The following TMEM131L variants were observed in gnomAD, a reference collection of about 807,000 sequenced individuals.
TMEM131L encodes the protein transmembrane protein 131-like.
Under a neutral mutation model 192.2 loss-of-function variants are expected in TMEM131L, and 54 were observed. That is an observed-to-expected ratio of 0.28 (90% CI 0.23 to 0.35). The LOEUF is 0.35. Among genes scored for constraint, TMEM131L ranks in the 10% least tolerant of loss-of-function variants. The pLI, the probability that TMEM131L is intolerant of heterozygous loss-of-function variation, is 1.00. For missense variants in TMEM131L, 1,888 were observed against 1,972.9 expected (o/e 0.96, Z 0.82); for synonymous variants, 701 against 704.9 (o/e 0.99, Z 0.09).
chr4:153,610,358 A>G (rs1732527170), intron 25 of TMEM131L, among the ~76,000 whole-genome samples: 1 of 152,212 alleles, frequency 6.6e-6, no homozygotes, highest in Admixed American at 6.5e-5. Flanking sequence ...TATTTCCATC[A>G]CAGCCAAAAG....
chr4:153,526,979 C>A (rs557617812), intron 3 of TMEM131L, among the ~76,000 whole-genome samples: 60 of 152,198 alleles, frequency 3.9e-4, no homozygotes, highest in African/African-American at 1.4e-3. Context: ...CTTTGTGTCC[C>A]TTTTGTCTGG....
Position 153,550,993 on chromosome 4 carries a change from T to C in TMEM131L, c.308+852T>C, listed in dbSNP as rs912277462. ...GGAACCTGGAAAAATTAAGGAAGGG[T>C]GACGCTGTGGAGATGAAAGCAACAT... On this transcript the variant is annotated intron_variant, in intron 4 of 34. Coordinates refer to ENST00000409959, the MANE Select transcript of TMEM131L (RefSeq NM_001131007.2). Among the ~76,000 whole-genome samples the C allele has an allele frequency of 1.2e-4, 18 of 152,286 alleles. 1 individual carries two copies. Among genetic ancestry groups the C allele is most frequent in the South Asian group, 1.0e-3 (5 of 4,830 alleles).
intron 7 of TMEM131L, among the ~76,000 whole-genome samples, chr4:153,560,019 A>C (rs748710294): frequency 1.3e-5 from 2 of 151,056 alleles, no homozygotes; most frequent in Admixed American, 1.3e-4. Flanking sequence ...TCCACCTCCA[A>C]TTTTCTCCAA....
At chr4:153,543,588 A>G (rs531416555) in intron 3 of TMEM131L, among the ~76,000 whole-genome samples, 1 of 152,274 alleles carries the variant, frequency 6.6e-6, no homozygotes, top group South Asian at 2.1e-4. Flanking sequence ...ATCGGTATAG[A>G]CACCCCCCAG....
At chr4:153,634,646 G>A (rs967251501) in intron 33 of TMEM131L, among the ~76,000 whole-genome samples, 3 of 152,182 alleles carry the variant, frequency 2.0e-5, no homozygotes, top group Admixed American at 6.5e-5. Context: ...CAAGTCCCAT[G>A]TGAAATAGAA....
In TMEM131L at chr4:153,583,365, T is replaced by A. The variant is rs1408311881; in HGVS notation, c.951+117T>A. ...AGCACTATCTTTATTCTTTTTTGCT[T>A]TAATTTAAGCCCATTTGCCCTTGCT... On this transcript the variant is annotated intron_variant, in intron 10 of 34. Transcript: ENST00000409959. The A allele has an allele frequency of 4.1e-6, 3 of 739,402 alleles. No individual in the cohort carries two copies. The African/African-American group carries it at 1.1e-4, about 28-fold the overall frequency. The allele number at this position is 739,402 out of a possible 1,614,324, so 45.8% of individuals were successfully genotyped here.
intron 26 of TMEM131L, among the ~76,000 whole-genome samples, chr4:153,618,627 G>T (rs1733166284): frequency 6.6e-6 from 1 of 152,162 alleles, no homozygotes; most frequent in African/African-American, 2.4e-5. Context: ...CTGAGGCAGA[G>T]AGGCTAAGTA....
At chr4:153,586,073 C>T in intron 13 of TMEM131L, 136 bp from the exon 14 acceptor site, 1 of 586,092 alleles carries the variant, frequency 1.7e-6, no homozygotes, top group Non-Finnish European at 2.7e-6. Flanking sequence ...AAAAATATTC[C>T]AACTTTTGAT....
At chr4:153,469,268 T>G (rs531170803) in intron 2 of TMEM131L, among the ~76,000 whole-genome samples, 2 of 147,484 alleles carry the variant, frequency 1.4e-5, no homozygotes, top group African/African-American at 5.2e-5. Context: ...GTATACCTTT[T>G]AGAAACTATC....
At chr4:153,584,144 A>C (rs1350686190) in intron 11 of TMEM131L, among the ~76,000 whole-genome samples, 2 of 152,194 alleles carry the variant, frequency 1.3e-5, no homozygotes, top group East Asian at 1.9e-4. Flanking sequence ...CAGATGTGAG[A>C]GAGTGTTCAG....
chr4:153,518,930 G>T (rs750562264), intron 3 of TMEM131L, among the ~76,000 whole-genome samples: 12 of 152,162 alleles, frequency 7.9e-5, no homozygotes, highest in Non-Finnish European at 1.5e-4. Context: ...AGTCGGTGGG[G>T]TGGTGAAGAC....
Position 153,566,557 on chromosome 4 carries a change from A to G in TMEM131L, c.660+8189A>G, listed in dbSNP as rs527261748. On this transcript the variant is annotated intron_variant, in intron 7 of 34. Coordinates refer to ENST00000409959, the MANE Select transcript of TMEM131L (RefSeq NM_001131007.2). ...TGTGTGTGTGTGTGTGTGTGTCTCA[A>G]CATAGTATCAAATTATTGAATTGTC... Among the ~76,000 whole-genome samples the G allele has an allele frequency of 2.7e-5, 4 of 149,072 alleles. No individual in the cohort carries two copies. In the East Asian group the frequency reaches 8.0e-4, roughly 30 times the overall value.
chr4:153,597,128 G>A (rs1328163141), intron 20 of TMEM131L, among the ~76,000 whole-genome samples: 1 of 151,936 alleles, frequency 6.6e-6, no homozygotes, highest in Admixed American at 6.6e-5. Flanking sequence ...TAATATATAA[G>A]TTTGTTCTTT....
At chr4:153,520,762 T>G (rs1735052742) in intron 3 of TMEM131L, among the ~76,000 whole-genome samples, 1 of 152,192 alleles carries the variant, frequency 6.6e-6, no homozygotes, top group South Asian at 2.1e-4. Flanking sequence ...TAAATGGGTG[T>G]GCTAGAGATT....
In TMEM131L at chr4:153,555,809, A is replaced by C; in HGVS notation, c.331A>C (p.Lys111Gln). The change falls in exon 5 of 35, where the codon AAG becomes CAG. Residue 111 changes from lysine to glutamine, a missense_variant. Physicochemically the swap from Lys to Gln is moderately conservative, Grantham distance 53. Coordinates refer to ENST00000409959, the MANE Select transcript of TMEM131L (RefSeq NM_001131007.2). This position sits in a 1 kb window ranked among gnomAD's most constrained non-coding sequence, Gnocchi z 4.1. ...TAGGTTCCTGGGACATCCTGTAGCA[A>C]AGATTCTCCATGCTTACAACCCTAG... ...GIQFLGHPVA[K>Q]ILHAYNPSRD... The C allele has an allele frequency of 6.4e-7, 1 of 1,551,576 alleles. No homozygotes were observed.
intron 7 of TMEM131L, among the ~76,000 whole-genome samples, chr4:153,578,173 G>A (rs966667176): frequency 6.6e-6 from 1 of 152,110 alleles, no homozygotes; most frequent in African/African-American, 2.4e-5. Flanking sequence ...TTGGCCGTGT[G>A]AGGATCATTT....
chr4:153,545,383 G>A (rs867196072), intron 3 of TMEM131L, among the ~76,000 whole-genome samples: 1 of 150,820 alleles, frequency 6.6e-6, no homozygotes, highest in Non-Finnish European at 1.5e-5. Context: ...CGCCTCCCGG[G>A]TTCACGCCAT....
In TMEM131L at chr4:153,543,041, C is replaced by T. The variant is rs78303032; in HGVS notation, c.240-7032C>T. Among the ~76,000 whole-genome samples, 964 of 152,360 alleles carry T rather than the reference C, an allele frequency of 6.3e-3. 20 individuals are homozygous for T. In the East Asian group the frequency reaches 0.083, roughly 13 times the overall value. ...CAGGTGCTGTTATTAGCGAGAGCGC[C>T]TCCAACAGACCACTCTTGGTATCGC... On this transcript the variant is annotated intron_variant, in intron 3 of 34. Transcript: ENST00000409959.
At position 153,602,757 on chromosome 4, in the gene TMEM131L, C is replaced by G. The variant is rs1731934541; in HGVS notation, c.2639+30C>G. On this transcript the variant is annotated intron_variant, in intron 23 of 34. Transcript: ENST00000409959. ...ACCACTACTGTCTCCCTTGTTCTCT[C>G]ACTGAGTAGAGAAGTCATCCAGGCA... 3 of 1,602,092 alleles carry G rather than the reference C, an allele frequency of 1.9e-6. No individual in the cohort carries two copies. In the East Asian group the frequency reaches 6.7e-5, roughly 36 times the overall value.
Sources: gnomAD v4.1 joint callset for allele counts (sites outside exome capture counted in the v4.1 genomes callset) on GRCh38, gnomAD v4.1.1 for gene constraint, Gnocchi (gnomAD v3.1) non-coding constraint, MANE v1.5 for transcripts, NCBI Gene and HGNC (gene_info 2026-07-23, HGNC 2026-07-21) for gene names.